Variants in FANCA observed in about 807,000 individuals in gnomAD.
FANCA encodes the protein FA complementation group A.
Under a neutral mutation model 194.3 loss-of-function variants are expected in FANCA, and 236 were observed. That is an observed-to-expected ratio of 1.21 (90% CI 1.09 to 1.35). The LOEUF (loss-of-function observed/expected upper bound fraction) is 1.35, where lower values mean the gene tolerates loss of function less well. Ranked by LOEUF, FANCA falls within the 40% of genes most tolerant of loss-of-function variation. The pLI is 0.00. For missense variants in FANCA, 2,628 were observed against 1,813.9 expected, an observed-to-expected ratio of 1.45 and a Z score of -8.15; for synonymous variants, 1,014 against 715.8, an observed-to-expected ratio of 1.42 and a Z score of -6.65.
At chr16:89,792,588 C>A (rs780990757) in intron 11 of FANCA, 41 bp from the exon 12 acceptor site, 2 of 1,573,688 alleles carry the variant, frequency 1.3e-6, no homozygotes, top group South Asian at 1.1e-5. Context: ...AGTCAGAGAT[C>A]AAAAAGTTGT....
At chr16:89,749,970 G>C (rs2143141066) in intron 31 of FANCA, 68 bp from the exon 32 acceptor site, 1 of 1,554,454 alleles carries the variant, frequency 6.4e-7, no homozygotes, top group South Asian at 1.1e-5. Context: ...CGGGGACCCA[G>C]ACGTCAGGGG....
intron 10 of FANCA, among the ~76,000 whole-genome samples, chr16:89,796,553 C>G (rs12709096): frequency 0.43 from 66,079 of 152,030 alleles, 15,952 homozygotes; most frequent in East Asian, 0.74. Context: ...TGAGAGAACA[C>G]GATGTTCTGG....
chr16:89,771,621 T>G (rs2039328079), intron 23 of FANCA, 57 bp downstream of exon 23: 3 of 1,599,146 alleles, frequency 1.9e-6, no homozygotes, highest in Non-Finnish European at 2.6e-6. Context: ...GTCTAATGCC[T>G]CTGCCTAATG....
intron 36 of FANCA, chr16:89,744,709 G>A: frequency 1.9e-6 from 1 of 536,910 alleles, no homozygotes; most frequent in South Asian, 2.0e-5. Context: ...TGCTCTATTG[G>A]CCGTTGGAGT....
At chr16:89,769,468 C>T (rs1191681655) in intron 26 of FANCA, among the ~76,000 whole-genome samples, 6 of 152,182 alleles carry the variant, frequency 3.9e-5, no homozygotes, top group African/African-American at 1.4e-4. Flanking sequence ...AAGCTACTCA[C>T]CATGGGGTGC....
intron 38 of FANCA, 179 bp from the exon 39 acceptor site, chr16:89,740,278 A>G (rs530194869): frequency 1.6e-6 from 1 of 639,698 alleles, no homozygotes; most frequent in South Asian, 1.7e-5. Flanking sequence ...AGGCTCAGGT[A>G]GGAGGCCAGG....
At chr16:89,752,787 C>T (rs557007836) in intron 30 of FANCA, among the ~76,000 whole-genome samples, 6 of 152,186 alleles carry the variant, frequency 3.9e-5, no homozygotes, top group Non-Finnish European at 8.8e-5. Flanking sequence ...GTGATGCCAG[C>T]GTCTGGGAAG....
chr16:89,810,475 T>A, intron 5 of FANCA: 1 of 530,286 alleles, frequency 1.9e-6, no homozygotes, highest in East Asian at 3.4e-5. Context: ...TTTCAATATA[T>A]TCTAGTCTAA....
intron 14 of FANCA, chr16:89,791,141 G>C (rs2040061328): frequency 1.9e-6 from 1 of 513,970 alleles, no homozygotes; most frequent in Non-Finnish European, 3.5e-6. Context: ...AAGTGAGACA[G>C]AAACCAGGGG....
rs17232239 is a variant in FANCA, at chr16:89,808,452, A to C, written c.523-85T>G. The C allele has an allele frequency of 1.8e-3, 2,465 of 1,391,552 alleles. 3 individuals are homozygous for C. Among genetic ancestry groups the C allele is most frequent in the Non-Finnish European group, 2.3e-3 (2,284 of 983,200 alleles). The allele number at this position is 1,391,552 out of a possible 1,614,324, so 86.2% of individuals were successfully genotyped here. ...CCTTTATGAATGCATTTTCCTACAAAATGTTCAACTTAGGTTCTTAACCAT... is the reference window on the plus strand; with the variant it reads ...CCTTTATGAATGCATTTTCCTACAACATGTTCAACTTAGGTTCTTAACCAT... On this transcript the variant is annotated intron_variant, in intron 5 of 42. Transcript: ENST00000389301.
intron 20 of FANCA, among the ~76,000 whole-genome samples, chr16:89,776,636 G>T (rs1365213559): frequency 6.6e-6 from 1 of 151,764 alleles, no homozygotes; most frequent in East Asian, 2.0e-4. Flanking sequence ...GACCATCCTG[G>T]CTAACACAGT....
At chr16:89,767,727 T>C (rs1281517728) in intron 26 of FANCA, among the ~76,000 whole-genome samples, 1 of 152,126 alleles carries the variant, frequency 6.6e-6, no homozygotes, top group African/African-American at 2.4e-5. Context: ...TTTTTGTATT[T>C]TTAGTAGAGA....
chr16:89,772,997 G>A (rs768854572), intron 22 of FANCA, among the ~76,000 whole-genome samples: 20 of 152,092 alleles, frequency 1.3e-4, no homozygotes, highest in Non-Finnish European at 2.4e-4. Context: ...TCCTAGTCAC[G>A]CGTTTTCTTC....
intron 28 of FANCA, among the ~76,000 whole-genome samples, chr16:89,763,791 G>A (rs1223572504): frequency 6.6e-6 from 1 of 151,994 alleles, no homozygotes; most frequent in African/African-American, 2.4e-5. Flanking sequence ...AACTTAGCCA[G>A]GCGTGGTGGT....
intron 3 of FANCA, among the ~76,000 whole-genome samples, chr16:89,813,959 G>C (rs893314437): frequency 6.6e-6 from 1 of 152,158 alleles, no homozygotes; most frequent in African/African-American, 2.4e-5. Context: ...TATGCAATTT[G>C]TGAAATTCAA....
chr16:89,805,948 T>C (rs1162831398), intron 6 of FANCA, among the ~76,000 whole-genome samples: 3 of 152,056 alleles, frequency 2.0e-5, no homozygotes, highest in Non-Finnish European at 4.4e-5. Flanking sequence ...GTTTTGCTCT[T>C]GTCATCCAGG....
intron 14 of FANCA, chr16:89,790,914 TG>T (rs2040048457): frequency 5.0e-6 from 1 of 198,274 alleles, no homozygotes; most frequent in Non-Finnish European, 1.1e-5. Flanking sequence ...ACTGCAGCCT[TG>T]ATCTCCCAGG....
intron 14 of FANCA, among the ~76,000 whole-genome samples, chr16:89,787,075 C>A (rs932013993): frequency 2.0e-5 from 3 of 152,220 alleles, no homozygotes; most frequent in African/African-American, 7.2e-5. Flanking sequence ...CCTGGGGTCA[C>A]AGCAGCCATT....
chr16:89,794,983 G>C (rs2040194586), intron 11 of FANCA, among the ~76,000 whole-genome samples: 1 of 152,086 alleles, frequency 6.6e-6, no homozygotes, highest in Non-Finnish European at 1.5e-5. Context: ...CAAACACCAA[G>C]TTTTAAAAGA....
Sources: gnomAD v4.1 joint callset for allele counts (sites outside exome capture counted in the v4.1 genomes callset) on GRCh38, gnomAD v4.1.1 for gene constraint, MANE v1.5 for transcripts, NCBI Gene and HGNC (gene_info 2026-07-23, HGNC 2026-07-21) for gene names.